TLK1: variants seen among roughly 807,000 people sequenced by gnomAD.
TLK1 encodes the protein tousled like kinase 1.
A neutral mutation model predicts 105.3 loss-of-function variants in TLK1; 24 were observed. That is an observed-to-expected ratio of 0.23 (90% CI 0.17 to 0.32). TLK1 has a LOEUF of 0.32. TLK1 is among the 10% of genes least tolerant of loss of function. The pLI, the probability that TLK1 is intolerant of heterozygous loss-of-function variation, is 1.00. For missense variants in TLK1, 558 were observed against 910.5 expected (o/e 0.61, Z 4.98); for synonymous variants, 321 against 310.4 (o/e 1.03, Z -0.36).
Position 171,124,419 on chromosome 2 carries a change from TA to T in TLK1, c.140-6563del, listed in dbSNP as rs540008262. On this transcript the variant is annotated intron_variant, in intron 1 of 20. Transcript: ENST00000431350. ...AGCAGTTGAGGGCAGTTCTCTTTATTAAAAAAATTTCAATCTCAGCCTTTAG... is the reference window on the plus strand; with the variant it reads ...AGCAGTTGAGGGCAGTTCTCTTTATTAAAAAATTTCAATCTCAGCCTTTAG... 1.4e-3 allele frequency among the ~76,000 whole-genome samples: 211 copies of T among 152,318 alleles called. 2 individuals carry two copies. The highest frequency in any genetic ancestry group is 4.9e-3 in the African/African-American group (203 of 41,578).
chr2:171,061,454 G>C (rs1326578145), intron 3 of TLK1, among the ~76,000 whole-genome samples: 1 of 152,132 alleles, frequency 6.6e-6, no homozygotes, highest in Non-Finnish European at 1.5e-5. Flanking sequence ...ACCTTCAAAT[G>C]CTTAACTGGA....
At chr2:171,184,642 C>CAA (rs140562844) in intron 1 of TLK1, among the ~76,000 whole-genome samples, 3 of 52,272 alleles carry the variant, frequency 5.7e-5, no homozygotes, top group African/African-American at 2.0e-4. Context: ...AACTCCGTCT[C>CAA]AAAAAAAAAA....
intron 1 of TLK1, among the ~76,000 whole-genome samples, chr2:171,173,715 C>A (rs1053962979): frequency 2.6e-5 from 4 of 152,090 alleles, no homozygotes; most frequent in African/African-American, 9.7e-5. Flanking sequence ...TAATTTGTTT[C>A]TTCAGCCCAC....
chr2:171,084,480 C>A (rs2105479730), intron 2 of TLK1, among the ~76,000 whole-genome samples: 1 of 152,276 alleles, frequency 6.6e-6, no homozygotes, highest in African/African-American at 2.4e-5. Context: ...CTAGCAATCT[C>A]AGAAAGCAAA....
intron 3 of TLK1, chr2:171,081,852 T>C: frequency 2.2e-6 from 1 of 452,590 alleles, no homozygotes; most frequent in Admixed American, 3.5e-5. Flanking sequence ...GATGCCACCT[T>C]TGAAGTTCCC....
At chr2:171,067,669 T>C (rs1049105066) in intron 3 of TLK1, among the ~76,000 whole-genome samples, 11 of 152,120 alleles carry the variant, frequency 7.2e-5, no homozygotes, top group South Asian at 2.1e-4. Context: ...ACGTACAAGT[T>C]TGTTACATAG....
At chr2:171,045,528 C>T (rs6722314) in intron 11 of TLK1, 139,300 of 151,652 alleles carry the variant, frequency 0.92, 65,044 homozygotes, top group East Asian at 1. Flanking sequence ...GTATTTTCTA[C>T]TCACGTGAGT....
intron 1 of TLK1, among the ~76,000 whole-genome samples, chr2:171,142,689 T>C (rs1691630045): frequency 2.0e-5 from 3 of 152,164 alleles, no homozygotes. Flanking sequence ...TTAACAAACC[T>C]TTGTCTGAAT....
chr2:170,991,439 G>A lies in TLK1; in HGVS notation c.*2341C>T, dbSNP rs547473965. On this transcript the variant is annotated 3_prime_UTR_variant, in exon 21 of 21. Transcript: ENST00000431350. ...GCCATCTTGGACCTGCTGGGTCACTGGCATGTTATTCAAAATCTATAACAT... is the reference window on the plus strand; with the variant it reads ...GCCATCTTGGACCTGCTGGGTCACTAGCATGTTATTCAAAATCTATAACAT... The A allele has an allele frequency of 2.8e-4, 43 of 152,282 alleles. No individual in the cohort carries two copies. Among genetic ancestry groups the A allele is most frequent in the Middle Eastern group, 6.8e-3 (2 of 294 alleles). The allele number at this position is 152,282 out of a possible 1,614,324, so 9.4% of individuals were successfully genotyped here.
At chr2:171,089,798 T>C (rs1251937127) in intron 2 of TLK1, among the ~76,000 whole-genome samples, 2 of 152,156 alleles carry the variant, frequency 1.3e-5, no homozygotes, top group Non-Finnish European at 2.9e-5. Context: ...TTCAACCTCT[T>C]AAGTAGCTGG....
At chr2:171,151,797 A>G (rs1692051245) in intron 1 of TLK1, among the ~76,000 whole-genome samples, 1 of 150,882 alleles carries the variant, frequency 6.6e-6, no homozygotes, top group South Asian at 2.1e-4. Context: ...AAGTAAATGA[A>G]ATAAGTATCT....
chr2:171,125,274 A>AT, intron 1 of TLK1, among the ~76,000 whole-genome samples: 1 of 152,192 alleles, frequency 6.6e-6, no homozygotes, highest in East Asian at 1.9e-4. Context: ...AGTTGGACAT[A>AT]GTGTAGTATA....
chr2:171,205,554 G>C (rs1375278803), intron 1 of TLK1, among the ~76,000 whole-genome samples: 1 of 152,082 alleles, frequency 6.6e-6, no homozygotes, highest in Non-Finnish European at 1.5e-5. Flanking sequence ...CAACTCCTGG[G>C]CTCAAGCGAT....
chr2:171,027,844 T>C (rs1337244052), intron 12 of TLK1, among the ~76,000 whole-genome samples: 1 of 152,206 alleles, frequency 6.6e-6, no homozygotes, highest in Non-Finnish European at 1.5e-5. Context: ...GATAAAGGAA[T>C]GTTGTTTTAA....
At chr2:170,998,393 C>G (rs913884894) in intron 18 of TLK1, among the ~76,000 whole-genome samples, 1 of 152,168 alleles carries the variant, frequency 6.6e-6, no homozygotes, top group Non-Finnish European at 1.5e-5. Flanking sequence ...TATCTTCCCC[C>G]ACCCTAACCC....
At chr2:171,198,231 A>T (rs1693313650) in intron 1 of TLK1, among the ~76,000 whole-genome samples, 1 of 152,216 alleles carries the variant, frequency 6.6e-6, no homozygotes, top group African/African-American at 2.4e-5. Flanking sequence ...GGCCAGCTGG[A>T]AATACATTAT....
At chr2:171,044,742 G>C (rs965199477) in intron 11 of TLK1, among the ~76,000 whole-genome samples, 5 of 152,280 alleles carry the variant, frequency 3.3e-5, no homozygotes, top group East Asian at 3.9e-4. Flanking sequence ...CCCATAGAAA[G>C]AGACTGAGAA....
chr2:170,996,690 T>A lies in TLK1; in HGVS notation c.2087A>T (p.Gln696Leu). ...ENTILKATEVQFPVKPVVSSE... is the reference protein window; with the variant it reads ...ENTILKATEVLFPVKPVVSSE... ...GCTTACAACCGGTTTTACAGGGAAC[T>A]GGACTTCTGTGGCTTTTAATATTGT... The change falls in exon 20 of 21, where the codon CAG becomes CTG. Residue 696 changes from glutamine (Q) to leucine (L), a missense_variant. Physicochemically the swap from Gln to Leu is moderately radical, Grantham distance 113. Transcript: ENST00000431350. 6.2e-7 allele frequency: 1 copy of A among 1,614,062 alleles called. No homozygotes were observed. Among genetic ancestry groups the A allele is most frequent in the Non-Finnish European group, 8.5e-7 (1 of 1,179,988 alleles).
At position 171,043,060 on chromosome 2, in the gene TLK1, G is replaced by A. The variant is rs113948023; in HGVS notation, c.1169+3114C>T. 2.3e-3 allele frequency among the ~76,000 whole-genome samples: 347 copies of A among 152,158 alleles called. 1 individual carries two copies. The highest frequency in any genetic ancestry group is 7.2e-3 in the African/African-American group (298 of 41,504). On this transcript the variant is annotated intron_variant, in intron 11 of 20. Coordinates refer to ENST00000431350, the MANE Select transcript of TLK1 (RefSeq NM_012290.5). ...AAGGTCCTACACTAAGACAGTGACCGTGAAAATGAAGAATGGAGCAAACAT... is the reference window on the plus strand; with the variant it reads ...AAGGTCCTACACTAAGACAGTGACCATGAAAATGAAGAATGGAGCAAACAT...
Sources: allele counts gnomAD v4.1 joint callset (sites outside exome capture counted in the v4.1 genomes callset), GRCh38; gene constraint gnomAD v4.1.1; transcripts MANE v1.5; gene names NCBI Gene and HGNC (gene_info 2026-07-23, HGNC 2026-07-21).